CHP1: variants seen among roughly 807,000 people sequenced by gnomAD.
CHP1 encodes the protein calcineurin like EF-hand protein 1.
Under a neutral mutation model 27.4 loss-of-function variants are expected in CHP1, and 11 were observed. The ratio of observed to expected loss-of-function variants is 0.40; its 90% CI spans 0.25 to 0.67. The LOEUF is 0.67. Among genes scored for constraint, CHP1 ranks in the 30% least tolerant of loss-of-function variants. The pLI is 0.38. For synonymous variants in CHP1, 89 were observed against 87.4 expected (o/e 1.02, Z -0.10); for missense variants, 169 against 251.3 (o/e 0.67, Z 2.22).
chr15:41,278,388 T>C (rs2047530080), intron 5 of CHP1, among the ~76,000 whole-genome samples: 1 of 150,920 alleles, frequency 6.6e-6, no homozygotes, highest in Non-Finnish European at 1.5e-5. Context: ...GGGCTACATA[T>C]GCAGGTTAGT....
At chr15:41,235,859 G>A (rs1281422843) in intron 1 of CHP1, among the ~76,000 whole-genome samples, 2 of 152,272 alleles carry the variant, frequency 1.3e-5, no homozygotes, top group East Asian at 3.9e-4. Flanking sequence ...CCAGCCTGAA[G>A]GTTCTGTCAC....
intron 2 of CHP1, among the ~76,000 whole-genome samples, chr15:41,246,910 G>A (rs557359708): frequency 6.6e-5 from 10 of 150,956 alleles, no homozygotes; most frequent in African/African-American, 1.5e-4. Context: ...AAAAGCCCGG[G>A]TGTGGTGGCT....
At position 41,278,805 on chromosome 15, in the gene CHP1, G is replaced by C; in HGVS notation, c.450G>C (p.Glu150Asp). 1 of 1,614,146 alleles carries C rather than the reference G, an allele frequency of 6.2e-7. No homozygotes were observed. The highest frequency in any genetic ancestry group is 8.5e-7 in the Non-Finnish European group (1 of 1,180,014). The change falls in exon 6 of 7, where the codon GAG (glutamate) becomes GAC (aspartate). Residue 150 changes from glutamate (E) to aspartate (D), a missense_variant. Coordinates refer to ENST00000334660, the MANE Select transcript of CHP1 (RefSeq NM_007236.5). ...TGGTCGGAGTAAATATCTCAGATGA[G>C]CAGCTGGGCAGCATCGCAGACAGGA... ...RMMVGVNISD[E>D]QLGSIADRTI...
intron 2 of CHP1, among the ~76,000 whole-genome samples, chr15:41,251,678 T>C (rs927231611): frequency 1.3e-5 from 2 of 152,194 alleles, no homozygotes; most frequent in Admixed American, 6.5e-5. Context: ...TATGAGAATC[T>C]AATGCCTGCT....
At chr15:41,252,749 AT>A (rs1203407098) in intron 2 of CHP1, among the ~76,000 whole-genome samples, 2 of 152,096 alleles carry the variant, frequency 1.3e-5, no homozygotes, top group Non-Finnish European at 2.9e-5. Context: ...CCCATTGGAA[AT>A]TTCTTGGCCA....
At chr15:41,261,040 A>G (rs1257633044) in intron 3 of CHP1, among the ~76,000 whole-genome samples, 2 of 151,638 alleles carry the variant, frequency 1.3e-5, no homozygotes, top group African/African-American at 2.4e-5. Context: ...GTGAGCCACC[A>G]TGCCTGGCTG....
Position 41,239,552 on chromosome 15 carries a change from C to A in CHP1, c.68-4115C>A, listed in dbSNP as rs527502120. On this transcript the variant is annotated intron_variant, in intron 1 of 6. Coordinates refer to ENST00000334660, the MANE Select transcript of CHP1 (RefSeq NM_007236.5). The stretch of plus-strand genomic sequence containing the variant: ...CCAAGTAGCTGGGATTATACCACCA[C>A]ACCTGGCTAATTTTTGTATTTTTAG... Among the ~76,000 whole-genome samples, 14 of 150,434 alleles carry A rather than the reference C, an allele frequency of 9.3e-5. No homozygotes were observed. In the South Asian group the frequency reaches 2.9e-3, roughly 32 times the overall value.
At chr15:41,270,760 T>C (rs1288781550) in intron 5 of CHP1, 142 bp downstream of exon 5, 2 of 647,074 alleles carry the variant, frequency 3.1e-6, no homozygotes, top group Admixed American at 2.9e-5. Flanking sequence ...ACAAAGGAGA[T>C]GACCTGGGAA....
chr15:41,266,730 G>T (rs576337824), intron 4 of CHP1, among the ~76,000 whole-genome samples: 1 of 152,112 alleles, frequency 6.6e-6, no homozygotes, highest in Non-Finnish European at 1.5e-5. Context: ...GGCCGGGAGC[G>T]GTGGCTCACA....
intron 2 of CHP1, among the ~76,000 whole-genome samples, chr15:41,246,649 TTGAGA>T (rs1567005174): frequency 6.9e-6 from 1 of 145,136 alleles, no homozygotes; most frequent in Non-Finnish European, 1.5e-5. Context: ...TTTTTTTTTT[TTGAGA>T]GAGAGTCTCG....
chr15:41,259,580 A>G (rs1313403152), intron 3 of CHP1, among the ~76,000 whole-genome samples: 2 of 146,346 alleles, frequency 1.4e-5, no homozygotes, highest in South Asian at 2.1e-4. Flanking sequence ...TGGTTATTCA[A>G]TTCCCTTTTA....
intron 4 of CHP1, among the ~76,000 whole-genome samples, chr15:41,266,804 A>C (rs2047463528): frequency 6.6e-6 from 1 of 152,164 alleles, no homozygotes; most frequent in Non-Finnish European, 1.5e-5. Context: ...GTTCGAGACC[A>C]GCCTGGCCAA....
chr15:41,259,237 C>A (rs561513004), intron 3 of CHP1, among the ~76,000 whole-genome samples: 1 of 152,156 alleles, frequency 6.6e-6, no homozygotes, highest in Non-Finnish European at 1.5e-5. Flanking sequence ...ACTTTGCCAA[C>A]TTTTTTTCAG....
At chr15:41,238,008 A>G in intron 1 of CHP1, among the ~76,000 whole-genome samples, 1 of 151,498 alleles carries the variant, frequency 6.6e-6, no homozygotes, top group East Asian at 2.0e-4. Flanking sequence ...TGGCCCTCCA[A>G]AATAACTTTT....
chr15:41,264,136 C>CTTT, intron 4 of CHP1: 1 of 1,093,232 alleles, frequency 9.1e-7, no homozygotes, highest in South Asian at 1.4e-5. Flanking sequence ...GTTAACAGGG[C>CTTT]TTTTTTTTTT....
At chr15:41,251,468 C>T (rs978742566) in intron 2 of CHP1, among the ~76,000 whole-genome samples, 3 of 152,184 alleles carry the variant, frequency 2.0e-5, no homozygotes, top group African/African-American at 7.2e-5. Context: ...CCCCTGGGGT[C>T]CCCAACCTCT....
At chr15:41,268,826 G>T (rs2047474759) in intron 4 of CHP1, among the ~76,000 whole-genome samples, 1 of 151,748 alleles carries the variant, frequency 6.6e-6, no homozygotes, top group South Asian at 2.1e-4. Context: ...CAGGCGTGGT[G>T]GTGGGCGCCT....
intron 5 of CHP1, among the ~76,000 whole-genome samples, chr15:41,275,978 C>T (rs937180290): frequency 2.9e-4 from 44 of 152,120 alleles, no homozygotes; most frequent in African/African-American, 9.7e-4. Flanking sequence ...CAGTGGCTCA[C>T]GCCTGTAATC....
intron 2 of CHP1, among the ~76,000 whole-genome samples, chr15:41,245,304 TAC>T (rs2140926310): frequency 6.6e-6 from 1 of 152,198 alleles, no homozygotes; most frequent in East Asian, 1.9e-4. Flanking sequence ...CTATTAAAAA[TAC>T]AAAAATTAGC....
Sources: gnomAD v4.1 joint callset for allele counts (sites outside exome capture counted in the v4.1 genomes callset) on GRCh38, gnomAD v4.1.1 for gene constraint, MANE v1.5 for transcripts, NCBI Gene and HGNC (gene_info 2026-07-23, HGNC 2026-07-21) for gene names.